PTPRZ1: variants seen among roughly 807,000 people sequenced by gnomAD.
PTPRZ1 encodes the protein receptor-type tyrosine-protein phosphatase zeta.
A neutral mutation model predicts 214.1 loss-of-function variants in PTPRZ1; 82 were observed. The ratio of observed to expected loss-of-function variants is 0.38; its 90% CI spans 0.32 to 0.46. The LOEUF is 0.46. Ranked by LOEUF, PTPRZ1 falls within the 20% of genes least tolerant of loss-of-function variation. PTPRZ1 has a pLI of 1.00. For synonymous variants in PTPRZ1, 945 were observed against 987.9 expected, an observed-to-expected ratio of 0.96 and a Z score of 0.81; for missense variants, 2,603 against 2,748.7, an observed-to-expected ratio of 0.95 and a Z score of 1.19.
intron 15 of PTPRZ1, among the ~76,000 whole-genome samples, chr7:122,033,455 A>AT (rs1228143363): frequency 2.0e-5 from 3 of 151,828 alleles, no homozygotes; most frequent in Non-Finnish European, 4.4e-5. Context: ...ATATTAACTC[A>AT]TTTTTAATAA....
chr7:121,888,480 T>C (rs1463566264), intron 1 of PTPRZ1, among the ~76,000 whole-genome samples: 1 of 152,084 alleles, frequency 6.6e-6, no homozygotes, highest in African/African-American at 2.4e-5. Context: ...TTACACAAAC[T>C]TCTGTAACTG....
intron 19 of PTPRZ1, 94 bp downstream of exon 19, chr7:122,038,983 T>G: frequency 7.5e-7 from 1 of 1,325,574 alleles, no homozygotes; most frequent in Non-Finnish European, 1.1e-6. Context: ...GGAGCCAAAG[T>G]TTTGAGAGTT....
intron 11 of PTPRZ1, among the ~76,000 whole-genome samples, chr7:122,009,291 T>C (rs894296009): frequency 1.3e-5 from 2 of 151,994 alleles, no homozygotes; most frequent in Non-Finnish European, 2.9e-5. Flanking sequence ...AGCTTAAGAT[T>C]CAGATTCTTT....
intron 1 of PTPRZ1, among the ~76,000 whole-genome samples, chr7:121,923,240 C>T (rs1795653484): frequency 6.6e-6 from 1 of 152,112 alleles, no homozygotes; most frequent in Non-Finnish European, 1.5e-5. Flanking sequence ...ATCTCTAATT[C>T]TATCATTTCT....
intron 21 of PTPRZ1, among the ~76,000 whole-genome samples, chr7:122,042,270 A>G (rs990603239): frequency 6.6e-6 from 1 of 152,184 alleles, no homozygotes; most frequent in South Asian, 2.1e-4. Flanking sequence ...TTAAATGTCT[A>G]TTTGCCACAC....
intron 2 of PTPRZ1, among the ~76,000 whole-genome samples, chr7:121,929,827 AAAATAAATAAAT>A (rs3069080): frequency 2.8e-5 from 4 of 145,316 alleles, no homozygotes; most frequent in Non-Finnish European, 3.0e-5. Context: ...ATAAAAATAA[AAAATAAATAAAT>A]AAATAAATAA....
At chr7:121,992,960 G>A (rs1798017194) in intron 8 of PTPRZ1, among the ~76,000 whole-genome samples, 2 of 152,090 alleles carry the variant, frequency 1.3e-5, no homozygotes, top group Admixed American at 6.5e-5. Flanking sequence ...ACAGCCAGAA[G>A]CCTGCACTAA....
chr7:121,902,478 G>A (rs888815092), intron 1 of PTPRZ1, among the ~76,000 whole-genome samples: 3 of 152,082 alleles, frequency 2.0e-5, no homozygotes, highest in Non-Finnish European at 4.4e-5. Context: ...CATTCCCATT[G>A]ACAGGGAATA....
At chr7:121,952,276 T>G (rs1796574299) in intron 2 of PTPRZ1, among the ~76,000 whole-genome samples, 1 of 152,036 alleles carries the variant, frequency 6.6e-6, no homozygotes, top group African/African-American at 2.4e-5. Context: ...TTTTTTTGTT[T>G]GTTTTTGGTT....
chr7:122,038,969 G>T, intron 19 of PTPRZ1, 80 bp downstream of exon 19: 1 of 1,456,052 alleles, frequency 6.9e-7, no homozygotes. Flanking sequence ...GTCAGCATTA[G>T]GAAGGAGCCA....
intron 2 of PTPRZ1, among the ~76,000 whole-genome samples, chr7:121,960,353 A>C (rs1796838176): frequency 6.6e-6 from 1 of 152,092 alleles, no homozygotes; most frequent in African/African-American, 2.4e-5. Flanking sequence ...AGACACAAAC[A>C]TTTTCTTACC....
intron 6 of PTPRZ1, among the ~76,000 whole-genome samples, chr7:121,983,251 G>T (rs948616944): frequency 8.5e-5 from 13 of 152,076 alleles, no homozygotes; most frequent in Non-Finnish European, 1.8e-4. Flanking sequence ...TGATCTCTAG[G>T]GGAAACACTT....
intron 4 of PTPRZ1, among the ~76,000 whole-genome samples, chr7:121,974,338 G>A (rs1228574232): frequency 6.6e-6 from 1 of 152,088 alleles, no homozygotes; most frequent in Non-Finnish European, 1.5e-5. Context: ...TACCTATTTA[G>A]AACAAAGATG....
At chr7:121,929,213 T>C (rs1010599068) in intron 2 of PTPRZ1, among the ~76,000 whole-genome samples, 3 of 152,204 alleles carry the variant, frequency 2.0e-5, no homozygotes, top group African/African-American at 7.2e-5. Context: ...AAAACTGCTA[T>C]AGTCCTTTTA....
At position 122,051,419 on chromosome 7, in the gene PTPRZ1, C is replaced by T; in HGVS notation, c.6085-9C>T. On this transcript the variant is annotated splice_polypyrimidine_tract_variant and intron_variant, in intron 23 of 29. Transcript: ENST00000393386. ...AATAACCTATATATTTTTTTACTTT[C>T]TTGCCCAGCTCCTGAGCCAGTCAAA... 6.2e-7 allele frequency: 1 copy of T among 1,607,212 alleles called. No individual in the cohort carries two copies. Among genetic ancestry groups the T allele is most frequent in the Non-Finnish European group, 8.5e-7 (1 of 1,175,948 alleles).
At chr7:121,979,692 A>G (rs903793704) in intron 6 of PTPRZ1, among the ~76,000 whole-genome samples, 2 of 152,200 alleles carry the variant, frequency 1.3e-5, no homozygotes, top group Non-Finnish European at 2.9e-5. Flanking sequence ...TTACATGTTC[A>G]AGCAAATAAT....
Position 121,970,580 on chromosome 7 carries a change from G to T in PTPRZ1, c.305-1961G>T, listed in dbSNP as rs1358141214. On this transcript the variant is annotated intron_variant, in intron 3 of 29. Transcript: ENST00000393386. ...ATGGTGAGCATTTTTTCATGTGTCTGTTGGCTGCATAAATGTCTTCTTTTG... is the reference window on the plus strand; with the variant it reads ...ATGGTGAGCATTTTTTCATGTGTCTTTTGGCTGCATAAATGTCTTCTTTTG... Among the ~76,000 whole-genome samples the T allele has an allele frequency of 1.4e-4, 22 of 152,224 alleles. No individual in the cohort carries two copies. The East Asian group carries it at 4.1e-3, about 28-fold the overall frequency.
chr7:121,993,999 C>T (rs913740358), intron 8 of PTPRZ1, among the ~76,000 whole-genome samples: 17 of 151,982 alleles, frequency 1.1e-4, no homozygotes, highest in Admixed American at 2.0e-4. Flanking sequence ...AGCTATTAAA[C>T]AAATAACTAA....
chr7:122,033,991 C>A, intron 15 of PTPRZ1, 104 bp from the exon 16 acceptor site: 2 of 988,936 alleles, frequency 2.0e-6, no homozygotes, highest in South Asian at 1.5e-5. Flanking sequence ...ATTGCATGAT[C>A]ATAGTTTTCC....
Sources: allele counts gnomAD v4.1 joint callset (sites outside exome capture counted in the v4.1 genomes callset), GRCh38; gene constraint gnomAD v4.1.1; transcripts MANE v1.5; gene names NCBI Gene and HGNC (gene_info 2026-07-23, HGNC 2026-07-21).